Variants in SSC4D observed in about 807,000 individuals in gnomAD.
SSC4D encodes scavenger receptor cysteine rich family member with 4 domains.
In SSC4D, 57 loss-of-function variants were observed where a neutral mutation model predicts 63.4. The ratio of observed to expected loss-of-function variants is 0.90; its 90% confidence interval spans 0.73 to 1.12. The LOEUF (loss-of-function observed/expected upper bound fraction) is 1.12. SSC4D is among the 50% of genes most tolerant of loss of function. The pLI, the probability that SSC4D is intolerant of heterozygous loss-of-function variation, is 0.00. For synonymous variants in SSC4D, 352 were observed against 345.4 expected, an observed-to-expected ratio of 1.02 and a Z score of -0.21; for missense variants, 791 against 806.4, an observed-to-expected ratio of 0.98 and a Z score of 0.23.
Position 76,393,605 on chromosome 7 carries a change from G to T in SSC4D, c.1133C>A (p.Ala378Glu), listed in dbSNP as rs1479619618. 1 of 1,504,462 alleles carries T rather than the reference G, an allele frequency of 6.6e-7. No individual in the cohort carries two copies. 93.2% of individuals were successfully genotyped at this position (1,504,462 alleles called of 1,614,324 possible). The part of the protein sequence containing the change: ...VCDDDWDFAD[A>E]RVACREAGCG... ...GCCCGCTTCGCGGCAGGCCACGCGC[G>T]CGTCCGCAAAGTCCCAGTCATCGTC... The change falls in exon 9 of 11, where the codon GCG becomes GAG. Residue 378 changes from alanine (A) to glutamate (E), a missense_variant. Transcript: ENST00000275560.
Position 76,395,286 on chromosome 7 carries a change from T to A in SSC4D, c.913A>T (p.Arg305Ter), listed in dbSNP as rs775317283. The A allele has an allele frequency of 1.4e-5, 22 of 1,613,776 alleles. No individual in the cohort carries two copies. The Admixed American group carries it at 3.7e-4, about 27-fold the overall frequency. Residue 305 changes from arginine (R) to a stop codon, truncating the protein, a stop_gained, in exon 7 of 11, where the codon AGA becomes TGA. Coordinates refer to ENST00000275560, the MANE Select transcript of SSC4D (RefSeq NM_080744.2). LOFTEE classifies it high-confidence loss of function. ...TCTGTCTGCCAAGCCCAGTCCTCTCTTGTGGCTGAGGATGGCAGTGCTGTG... is the reference window on the plus strand; with the variant it reads ...TCTGTCTGCCAAGCCCAGTCCTCTCATGTGGCTGAGGATGGCAGTGCTGTG... ...TLTALPSSAT[R>*]EDWAWQTDPS...
chr7:76,390,274 G>A lies in SSC4D; in HGVS notation c.1513C>T (p.Arg505Trp), dbSNP rs771157808. 56 of 1,613,822 alleles carry A rather than the reference G, an allele frequency of 3.5e-5. No homozygotes were observed. Among genetic ancestry groups the A allele is most frequent in the Middle Eastern group, 3.3e-4 (2 of 6,082 alleles). Residue 505 changes from arginine (R) to tryptophan (W), a missense_variant, in exon 11 of 11, where the codon CGG becomes TGG. Arg to Trp is a moderately radical substitution (Grantham distance 101). Coordinates refer to ENST00000275560, the MANE Select transcript of SSC4D (RefSeq NM_080744.2). ...GTVCDDAWDL[R>W]AAGVLCRQLG... The stretch of plus-strand genomic sequence containing the variant: ...TGGCGGCACAGGACACCGGCTGCCC[G>A]CAGGTCCCAAGCATCATCACAGACA...
intron 1 of SSC4D, among the ~76,000 whole-genome samples, chr7:76,406,875 T>G (rs906535981): frequency 3.9e-5 from 6 of 152,114 alleles, no homozygotes; most frequent in Non-Finnish European, 5.9e-5. Context: ...TTCACTTTTT[T>G]TATGTATTTG....
At chr7:76,404,927 A>G (rs1804951161) in intron 1 of SSC4D, among the ~76,000 whole-genome samples, 1 of 150,924 alleles carries the variant, frequency 6.6e-6, no homozygotes. Flanking sequence ...AACATTTGCC[A>G]GGTGTGGTGG....
chr7:76,399,819 C>T (rs566219671), intron 4 of SSC4D, among the ~76,000 whole-genome samples: 5 of 152,244 alleles, frequency 3.3e-5, no homozygotes, highest in East Asian at 1.9e-4. Flanking sequence ...CCACCATGCC[C>T]GGCTGATTGT....
At chr7:76,399,970 C>G (rs1563683929) in intron 4 of SSC4D, among the ~76,000 whole-genome samples, 5 of 152,116 alleles carry the variant, frequency 3.3e-5, no homozygotes, top group Non-Finnish European at 5.9e-5. Flanking sequence ...TGGTCGGGAC[C>G]AAACAGTGAG....
rs530122968 is a variant in SSC4D, at chr7:76,392,589, G to A, written c.1334-548C>T. On this transcript the variant is annotated intron_variant, in intron 9 of 10. Coordinates refer to ENST00000275560, the MANE Select transcript of SSC4D (RefSeq NM_080744.2). Reference sequence around the variant, plus strand: ...GAGGATCGCTTGAAGCCAGGAGTTCGAGAGTAGCCTGGGCAACACAGTGAG... The same window carrying A: ...GAGGATCGCTTGAAGCCAGGAGTTCAAGAGTAGCCTGGGCAACACAGTGAG... Among the ~76,000 whole-genome samples the A allele has an allele frequency of 7.2e-4, 108 of 150,554 alleles. 2 individuals are homozygous for A. In the South Asian group the frequency reaches 0.02, roughly 29 times the overall value.
At chr7:76,403,347 C>CT (rs766899317) in intron 2 of SSC4D, among the ~76,000 whole-genome samples, 2 of 149,530 alleles carry the variant, frequency 1.3e-5, no homozygotes, top group Admixed American at 6.8e-5. Context: ...GACTCCACTT[C>CT]TTTTTTTTGA....
chr7:76,391,411 C>G (rs1563679083), intron 10 of SSC4D, among the ~76,000 whole-genome samples: 2 of 152,062 alleles, frequency 1.3e-5, no homozygotes, highest in African/African-American at 4.8e-5. Context: ...GGTGACAGAG[C>G]AAGACTCTAT....
intron 4 of SSC4D, 33 bp downstream of exon 4, chr7:76,400,253 G>C (rs769013776): frequency 4.6e-5 from 66 of 1,435,088 alleles, no homozygotes; most frequent in Admixed American, 7.9e-5. Context: ...GCCACAGTCT[G>C]TCTGTCCCTC....
Position 76,404,520 on chromosome 7 carries a change from C to T in SSC4D, c.-66-15G>A. The T allele has an allele frequency of 1.2e-6, 2 of 1,606,540 alleles. No homozygotes were observed. The highest frequency in any genetic ancestry group is 1.7e-6 in the Non-Finnish European group (2 of 1,177,250). On this transcript the variant is annotated splice_polypyrimidine_tract_variant and intron_variant, in intron 1 of 10. Transcript: ENST00000275560. ...AGTTGGAACATCTGAAATTAAAGAT[C>T]CCAAATGTTGCTGGGCCTCCCAGCA...
chr7:76,399,068 A>G (rs1198582281), intron 4 of SSC4D, among the ~76,000 whole-genome samples: 1 of 151,284 alleles, frequency 6.6e-6, no homozygotes, highest in African/African-American at 2.4e-5. Context: ...CTGGAGTGCA[A>G]TGGTGCAATC....
Position 76,405,873 on chromosome 7 carries a change from G to T in SSC4D, c.-66-1368C>A, listed in dbSNP as rs140255958. Among the ~76,000 whole-genome samples, 187 of 152,116 alleles carry T rather than the reference G, an allele frequency of 1.2e-3. 1 individual carries two copies. Among genetic ancestry groups the T allele is most frequent in the African/African-American group, 4.2e-3 (173 of 41,514 alleles). On this transcript the variant is annotated intron_variant, in intron 1 of 10. Transcript: ENST00000275560. ...CCTCCAGGGCTGCACATTTGATTTT[G>T]TTTTCTTTCTTTCCTTCCTTCCTTC...
intron 10 of SSC4D, 111 bp downstream of exon 10, chr7:76,391,853 G>C (rs1804499770): frequency 9.0e-7 from 1 of 1,115,910 alleles, no homozygotes; most frequent in Non-Finnish European, 1.3e-6. Flanking sequence ...AAGACTTCCA[G>C]GTCCCGGTGT....
rs1209225118 is a variant in SSC4D, at chr7:76,397,688, C to T, written c.698G>A (p.Gly233Glu). 19 of 1,613,302 alleles carry T rather than the reference C, an allele frequency of 1.2e-5. No homozygotes were observed. Among genetic ancestry groups the T allele is most frequent in the Admixed American group, 1.7e-5 (1 of 59,992 alleles). Residue 233 changes from glycine (G) to glutamate (E), a missense_variant, in exon 6 of 11, where the codon GGG becomes GAG. Gly to Glu is a moderately conservative substitution (Grantham distance 98, BLOSUM62 -2). Coordinates refer to ENST00000275560, the MANE Select transcript of SSC4D (RefSeq NM_080744.2). ...AAVVCRQLGC[G>E]AAMAATTNAF... Reference sequence around the variant, plus strand: ...GTTGGTGGTGGCGGCCATGGCCGCCCCGCAGCCCAGCTGACGACAGACCAC... The same window carrying T: ...GTTGGTGGTGGCGGCCATGGCCGCCTCGCAGCCCAGCTGACGACAGACCAC...
intron 2 of SSC4D, among the ~76,000 whole-genome samples, chr7:76,402,492 A>AT (rs1656667420): frequency 6.7e-6 from 1 of 148,920 alleles, no homozygotes; most frequent in Admixed American, 6.7e-5. Context: ...TAATTTTTTA[A>AT]TTTTTTGTAG....
intron 1 of SSC4D, among the ~76,000 whole-genome samples, chr7:76,404,879 G>T (rs976495393): frequency 6.6e-6 from 1 of 151,698 alleles, no homozygotes; most frequent in Non-Finnish European, 1.5e-5. Context: ...AGACTAGCCT[G>T]GCCAACATGG....
intron 1 of SSC4D, 33 bp from the exon 2 acceptor site, chr7:76,404,538 T>A: frequency 6.3e-7 from 1 of 1,576,996 alleles, no homozygotes; most frequent in South Asian, 1.1e-5. Flanking sequence ...TTGCTGGGCC[T>A]CCCAGCACTT....
chr7:76,405,313 A>ATATATATG (rs1563687005), intron 1 of SSC4D, among the ~76,000 whole-genome samples: 3 of 34,368 alleles, frequency 8.7e-5, no homozygotes, highest in Admixed American at 3.2e-4. Flanking sequence ...ATATATATAT[A>ATATATATG]TATGTATTTT....
Sources: gnomAD v4.1 joint callset for allele counts (sites outside exome capture counted in the v4.1 genomes callset) on GRCh38, gnomAD v4.1.1 for gene constraint, MANE v1.5 for transcripts, NCBI Gene and HGNC (gene_info 2026-07-23, HGNC 2026-07-21) for gene names.